Variants in AGAP3 observed in about 807,000 individuals in gnomAD.
AGAP3 encodes the protein arf-GAP with GTPase, ANK repeat and PH domain-containing protein 3.
In AGAP3, 24 loss-of-function variants were observed where a neutral mutation model predicts 96.9. The ratio of observed to expected loss-of-function variants is 0.25; its 90% CI spans 0.18 to 0.35. The LOEUF (loss-of-function observed/expected upper bound fraction) is 0.35, where lower values mean the gene tolerates loss of function less well. Ranked by LOEUF, AGAP3 falls within the 10% of genes least tolerant of loss-of-function variation. The probability of loss-of-function intolerance (pLI) is 1.00; values close to 1 mark genes in which losing one functional copy is unlikely to be tolerated. For synonymous variants in AGAP3, 563 were observed against 536.1 expected, an observed-to-expected ratio of 1.05 and a Z score of -0.69; for missense variants, 876 against 1,254.2, an observed-to-expected ratio of 0.70 and a Z score of 4.55.
At chr7:151,109,117 C>CA (rs1270190316) in intron 1 of AGAP3, among the ~76,000 whole-genome samples, 3 of 147,864 alleles carry the variant, frequency 2.0e-5, no homozygotes, top group African/African-American at 7.5e-5. Context: ...CACTTGAGCC[C>CA]AGGAGTTCTA....
In AGAP3 at chr7:151,096,044, T is replaced by C. The variant is rs1422836911; in HGVS notation, c.331+8972T>C. ...ACCCCTCTGTGTCTTAGCTTCGCCA[T>C]TGGTAAAACATGGGCATCCGTTTCA... On this transcript the variant is annotated intron_variant, in intron 1 of 17. Coordinates refer to ENST00000397238, the MANE Select transcript of AGAP3 (RefSeq NM_031946.7). The surrounding 1 kb of genome is among the most constrained non-coding windows in gnomAD (Gnocchi z 4.4). Among the ~76,000 whole-genome samples, 6 of 152,338 alleles carry C rather than the reference T, an allele frequency of 3.9e-5. No homozygotes were observed. Among genetic ancestry groups the C allele is most frequent in the Admixed American group, 6.5e-5 (1 of 15,306 alleles).
intron 1 of AGAP3, among the ~76,000 whole-genome samples, chr7:151,097,391 C>G (rs4725989): frequency 0.78 from 117,874 of 151,428 alleles, 45,959 homozygotes; most frequent in East Asian, 0.98. Flanking sequence ...AATTAGCCAG[C>G]CCTGATGGTG....
At chr7:151,093,563 G>T (rs572714676) in intron 1 of AGAP3, among the ~76,000 whole-genome samples, 1 of 152,340 alleles carries the variant, frequency 6.6e-6, no homozygotes, top group East Asian at 1.9e-4. Flanking sequence ...CCCCTCTCCT[G>T]GGAGGATCTG....
chr7:151,120,022 C>T lies in AGAP3; in HGVS notation c.1005C>T (p.Tyr335=), dbSNP rs753344656. The T allele has an allele frequency of 5.6e-6, 9 of 1,613,960 alleles. No individual in the cohort carries two copies. The South Asian group carries it at 9.9e-5, about 18-fold the overall frequency. Residue 335 remains tyrosine (Y), a synonymous_variant, in exon 8 of 18, where the codon TAC becomes TAT. Coordinates refer to ENST00000397238, the MANE Select transcript of AGAP3 (RefSeq NM_031946.7). ...TNGGGSAFSD[Y]SSSVPSTPSI... ...GCGGCGGCAGCGCCTTCAGCGACTA[C>T]TCGTCCTCAGTCCCCTCCACCCCCA...
chr7:151,102,564 C>T (rs1436077223), intron 1 of AGAP3, among the ~76,000 whole-genome samples: 1 of 150,080 alleles, frequency 6.7e-6, no homozygotes, highest in Non-Finnish European at 1.5e-5. Context: ...GAGTTCAAGA[C>T]CAGCCTAGGC....
At chr7:151,105,266 G>A (rs567785121) in intron 1 of AGAP3, among the ~76,000 whole-genome samples, 1 of 152,138 alleles carries the variant, frequency 6.6e-6, no homozygotes, top group Non-Finnish European at 1.5e-5. Context: ...TATATCGTCT[G>A]TAAACATTTC....
chr7:151,139,241 G>C lies in AGAP3; in HGVS notation c.1667-738G>C, dbSNP rs543517431. On this transcript the variant is annotated intron_variant, in intron 12 of 17. Transcript: ENST00000397238. This position sits in a 1 kb window ranked among gnomAD's most constrained non-coding sequence, Gnocchi z 4.9. ...CTCCCAGTAGGAGCCCTGAGGCCCA[G>C]CCTCTGAGCTGCCATGGCCTCAGGA... Among the ~76,000 whole-genome samples the C allele has an allele frequency of 5.5e-4, 84 of 152,348 alleles. No homozygotes were observed. Among genetic ancestry groups the C allele is most frequent in the Non-Finnish European group, 9.8e-4 (67 of 68,036 alleles).
Position 151,143,247 on chromosome 7 carries a change from C to CG in AGAP3, c.2274-91dup. 1 of 1,441,826 alleles carries CG rather than the reference C, an allele frequency of 6.9e-7. No individual in the cohort carries two copies. The allele number at this position is 1,441,826 out of a possible 1,614,324, so 89.3% of individuals were successfully genotyped here. A position where few individuals can be genotyped will look rare whatever the true frequency, so the allele number is the denominator to read the frequency against. ...TCTCACTGTTTCTTCCTTGTTCCCC[C>CG]GGGTGCTCGCTTCCTTTCCTGCCCA... On this transcript the variant is annotated intron_variant, in intron 16 of 17. Coordinates refer to ENST00000397238, the MANE Select transcript of AGAP3 (RefSeq NM_031946.7). The surrounding 1 kb of genome is among the most constrained non-coding windows in gnomAD (Gnocchi z 5.9).
chr7:151,123,912 C>T (rs1331910083), intron 9 of AGAP3, 26 bp downstream of exon 9: 2 of 1,596,768 alleles, frequency 1.3e-6, no homozygotes, highest in Non-Finnish European at 1.7e-6. Context: ...CCCGTGTGCT[C>T]CAGGGCTCAG....
At position 151,118,462 on chromosome 7, in the gene AGAP3, C is replaced by T; in HGVS notation, c.842-43C>T. The T allele has an allele frequency of 1.2e-6, 2 of 1,605,938 alleles. No individual in the cohort carries two copies. The highest frequency in any genetic ancestry group is 8.5e-7 in the Non-Finnish European group (1 of 1,173,188). On this transcript the variant is annotated intron_variant, in intron 6 of 17. Coordinates refer to ENST00000397238, the MANE Select transcript of AGAP3 (RefSeq NM_031946.7). The surrounding 1 kb of genome is among the most constrained non-coding windows in gnomAD (Gnocchi z 6.1). Reference sequence around the variant, plus strand: ...GGGGAGGTGCTAAGCCAGGCTTTTCCCTTCTCTCCAGTGGGTATAATTGAC... The same window carrying T: ...GGGGAGGTGCTAAGCCAGGCTTTTCTCTTCTCTCCAGTGGGTATAATTGAC...
At chr7:151,123,174 TTCCTGC>T (rs1799995477) in intron 8 of AGAP3, 10 of 1,063,372 alleles carry the variant, frequency 9.4e-6, no homozygotes, top group Non-Finnish European at 1.1e-5. Flanking sequence ...ACCTCTGCCG[TTCCTGC>T]TCCTGCTCCG....
At position 151,128,405 on chromosome 7, in the gene AGAP3, A is replaced by C. The variant is rs2288651; in HGVS notation, c.1222-175A>C. The stretch of plus-strand genomic sequence containing the variant: ...GGGGAGAGCCGAGTTCTGGGGAAGG[A>C]CTGGTCTAAGGGGCCTTCCCAAGTT... On this transcript the variant is annotated intron_variant, in intron 9 of 17. Transcript: ENST00000397238. 1.0e-5 allele frequency: 6 copies of C among 572,698 alleles called. No individual in the cohort carries two copies. The East Asian group carries it at 1.7e-4, about 17-fold the overall frequency. 35.5% of individuals were successfully genotyped at this position (572,698 alleles called of 1,614,324 possible). A position where few individuals can be genotyped will look rare whatever the true frequency, so the allele number is the denominator to read the frequency against.
chr7:151,119,683 C>G (rs1799773544), intron 7 of AGAP3, among the ~76,000 whole-genome samples: 1 of 152,222 alleles, frequency 6.6e-6, no homozygotes, highest in African/African-American at 2.4e-5. Context: ...GGCCCTGCAG[C>G]TGATTCCCAC....
At chr7:151,124,108 T>A (rs1413096257) in intron 9 of AGAP3, among the ~76,000 whole-genome samples, 1 of 152,148 alleles carries the variant, frequency 6.6e-6, no homozygotes, top group Admixed American at 6.5e-5. Flanking sequence ...TACCTTCTGA[T>A]CACCACCGGA....
chr7:151,128,279 C>T, intron 9 of AGAP3: 1 of 393,082 alleles, frequency 2.5e-6, no homozygotes, highest in African/African-American at 2.0e-5. Flanking sequence ...CGACGGTCTA[C>T]ACCCCTGACA....
At chr7:151,122,854 C>T (rs1799975818) in intron 8 of AGAP3, 8 of 1,603,550 alleles carry the variant, frequency 5.0e-6, no homozygotes, top group Non-Finnish European at 1.7e-6. Context: ...GCGGGCCGGG[C>T]CCTGGGACTG....
In AGAP3 at chr7:151,118,456, C is replaced by T. The variant is rs1799703883; in HGVS notation, c.842-49C>T. 14 of 1,605,266 alleles carry T rather than the reference C, an allele frequency of 8.7e-6. No homozygotes were observed. The highest frequency in any genetic ancestry group is 1.2e-5 in the Non-Finnish European group (14 of 1,172,764). On this transcript the variant is annotated intron_variant, in intron 6 of 17. Coordinates refer to ENST00000397238, the MANE Select transcript of AGAP3 (RefSeq NM_031946.7). The surrounding 1 kb of genome is among the most constrained non-coding windows in gnomAD (Gnocchi z 6.1). ...GTCTGGGGGGAGGTGCTAAGCCAGG[C>T]TTTTCCCTTCTCTCCAGTGGGTATA...
chr7:151,107,190 A>T (rs984364834), intron 1 of AGAP3, among the ~76,000 whole-genome samples: 10 of 151,856 alleles, frequency 6.6e-5, no homozygotes, highest in African/African-American at 2.2e-4. Flanking sequence ...CGCACCTGTA[A>T]TCCCAGCTAC....
chr7:151,118,127 C>T lies in AGAP3; in HGVS notation c.707-83C>T, dbSNP rs1563475956. On this transcript the variant is annotated intron_variant, in intron 5 of 17. Coordinates refer to ENST00000397238, the MANE Select transcript of AGAP3 (RefSeq NM_031946.7). The surrounding 1 kb of genome is among the most constrained non-coding windows in gnomAD (Gnocchi z 6.1). The stretch of plus-strand genomic sequence containing the variant: ...TCCACTCACCAGGCCCTTTGCACAC[C>T]TGCCCTTGGGCCAAATGCCCCCCAC... 5 of 1,524,902 alleles carry T rather than the reference C, an allele frequency of 3.3e-6. No individual in the cohort carries two copies. The East Asian group carries it at 6.8e-5, about 21-fold the overall frequency. The allele number at this position is 1,524,902 out of a possible 1,614,324, so 94.5% of individuals were successfully genotyped here.
Sources: gnomAD v4.1 joint callset for allele counts (sites outside exome capture counted in the v4.1 genomes callset) on GRCh38, gnomAD v4.1.1 for gene constraint, Gnocchi (gnomAD v3.1) non-coding constraint, MANE v1.5 for transcripts, NCBI Gene and HGNC (gene_info 2026-07-23, HGNC 2026-07-21) for gene names.